ASAP1: variants seen among roughly 807,000 people sequenced by gnomAD.
The protein encoded by ASAP1 is arf-GAP with SH3 domain, ANK repeat and PH domain-containing protein 1.
Under a neutral mutation model 145.2 loss-of-function variants are expected in ASAP1, and 43 were observed. That is an observed-to-expected ratio of 0.30 (90% CI 0.23 to 0.38). ASAP1 has a LOEUF of 0.38. Among genes scored for constraint, ASAP1 ranks in the 10% least tolerant of loss-of-function variants. The probability of loss-of-function intolerance (pLI) is 1.00; values close to 1 mark genes in which losing one functional copy is unlikely to be tolerated. For missense variants in ASAP1, 1,018 were observed against 1,355.3 expected, an observed-to-expected ratio of 0.75 and a Z score of 3.91; for synonymous variants, 546 against 515.5, an observed-to-expected ratio of 1.06 and a Z score of -0.80.
chr8:130,236,904 T>C lies in ASAP1; in HGVS notation c.259+18A>G. ...ATTATTTATAATTCATGTTACCTCA[T>C]TTTTAGTAAGTGCTTACCTTGACCA... is the stretch of plus-strand genomic sequence containing the variant. On this transcript the variant is annotated intron_variant, in intron 4 of 29. Coordinates refer to ENST00000518721, the MANE Select transcript of ASAP1 (RefSeq NM_018482.4). The C allele has an allele frequency of 6.6e-7, 1 of 1,512,328 alleles. No homozygotes were observed. Among genetic ancestry groups the C allele is most frequent in the African/African-American group, 1.4e-5 (1 of 72,056 alleles). 93.7% of individuals were successfully genotyped at this position (1,512,328 alleles called of 1,614,324 possible). A position where few individuals can be genotyped will look rare whatever the true frequency, so the allele number is the denominator to read the frequency against.
chr8:130,063,691 T>G (rs757747851), intron 27 of ASAP1, among the ~76,000 whole-genome samples: 1 of 152,190 alleles, frequency 6.6e-6, no homozygotes, highest in African/African-American at 2.4e-5. Context: ...AGGGAGGCCG[T>G]GGAGCCTCCC....
At chr8:130,095,466 A>C (rs2097515547) in intron 24 of ASAP1, among the ~76,000 whole-genome samples, 1 of 151,372 alleles carries the variant, frequency 6.6e-6, no homozygotes, top group African/African-American at 2.4e-5. Flanking sequence ...ACGTCTGGCT[A>C]ATTTTTGTAT....
At chr8:130,062,330 T>C (rs1171038361) in intron 27 of ASAP1, among the ~76,000 whole-genome samples, 1 of 152,254 alleles carries the variant, frequency 6.6e-6, no homozygotes, top group Non-Finnish European at 1.5e-5. Flanking sequence ...AACCTCATGT[T>C]GTAAATGTCA....
chr8:130,267,680 T>C (rs898419122), intron 3 of ASAP1, among the ~76,000 whole-genome samples: 8 of 152,182 alleles, frequency 5.3e-5, no homozygotes, highest in Non-Finnish European at 1.0e-4. Context: ...ACCCTATGCT[T>C]ATAAAAGCAT....
intron 7 of ASAP1, among the ~76,000 whole-genome samples, chr8:130,183,342 T>A (rs1814498654): frequency 6.6e-6 from 1 of 152,042 alleles, no homozygotes. Flanking sequence ...ATTATTATTA[T>A]TATTGTTATT....
At chr8:130,398,663 C>T (rs1470436946) in intron 2 of ASAP1, among the ~76,000 whole-genome samples, 2 of 152,166 alleles carry the variant, frequency 1.3e-5, no homozygotes, top group East Asian at 3.8e-4. Flanking sequence ...ATAGCACTTA[C>T]CATGTACCAG....
intron 1 of ASAP1, among the ~76,000 whole-genome samples, chr8:130,442,565 C>A (rs569996745): frequency 6.6e-6 from 1 of 152,258 alleles, no homozygotes; most frequent in Non-Finnish European, 1.5e-5. Context: ...CTGATGTCAT[C>A]CCAGAATCAA....
intron 10 of ASAP1, among the ~76,000 whole-genome samples, chr8:130,168,383 G>A (rs899867074): frequency 2.0e-5 from 3 of 152,112 alleles, no homozygotes; most frequent in Admixed American, 1.3e-4. Flanking sequence ...GGTGGCTCAC[G>A]CTTGTAATCC....
chr8:130,279,061 C>A (rs1261277787), intron 3 of ASAP1, among the ~76,000 whole-genome samples: 1 of 152,176 alleles, frequency 6.6e-6, no homozygotes, highest in Non-Finnish European at 1.5e-5. Flanking sequence ...AAAGCCATGT[C>A]TACCACGGGA....
chr8:130,441,710 G>T (rs7463793), intron 1 of ASAP1, among the ~76,000 whole-genome samples: 1 of 152,102 alleles, frequency 6.6e-6, no homozygotes, highest in Non-Finnish European at 1.5e-5. Context: ...AATCTGGCTC[G>T]CTGTGGCTGG....
intron 9 of ASAP1, 53 bp downstream of exon 9, chr8:130,179,211 A>C: frequency 9.2e-7 from 1 of 1,084,742 alleles, no homozygotes; most frequent in East Asian, 2.4e-5. Context: ...CAAATAATGA[A>C]GTACAGGGGG....
intron 27 of ASAP1, among the ~76,000 whole-genome samples, chr8:130,071,249 G>A (rs961675082): frequency 6.6e-6 from 1 of 152,032 alleles, no homozygotes; most frequent in African/African-American, 2.4e-5. Flanking sequence ...TTAGATTATA[G>A]GTATGAGCCA....
At chr8:130,082,714 A>ATTTTTTTTTTTT (rs10678353) in intron 25 of ASAP1, 1 of 80,828 alleles carries the variant, frequency 1.2e-5, no homozygotes, top group African/African-American at 4.6e-5. Context: ...CTCATTACTA[A>ATTTTTTTTTTTT]TTTTTTTTTT....
At chr8:130,122,155 A>T (rs1488839572) in intron 18 of ASAP1, among the ~76,000 whole-genome samples, 1 of 152,062 alleles carries the variant, frequency 6.6e-6, no homozygotes. Flanking sequence ...CATTCCCCAC[A>T]CACTTCAACA....
At chr8:130,201,353 C>T (rs1443061553) in intron 5 of ASAP1, among the ~76,000 whole-genome samples, 1 of 152,012 alleles carries the variant, frequency 6.6e-6, no homozygotes, top group Non-Finnish European at 1.5e-5. Context: ...TAAAGGCACT[C>T]GGGACTGACA....
In ASAP1 at chr8:130,162,597, T is replaced by A. The variant is rs538523811; in HGVS notation, c.910-2633A>T. On this transcript the variant is annotated intron_variant, in intron 11 of 29. Transcript: ENST00000518721. ...ACTTTGGGAGGCTGAGGCGGGTGGATCATGAGGTCAGGAGATCGAGACCAT... is the reference window on the plus strand; with the variant it reads ...ACTTTGGGAGGCTGAGGCGGGTGGAACATGAGGTCAGGAGATCGAGACCAT... Among the ~76,000 whole-genome samples the A allele has an allele frequency of 5.3e-5, 8 of 152,078 alleles. No individual in the cohort carries two copies. The East Asian group carries it at 1.4e-3, about 26-fold the overall frequency.
At chr8:130,284,365 T>C (rs1013485250) in intron 3 of ASAP1, among the ~76,000 whole-genome samples, 6 of 152,118 alleles carry the variant, frequency 3.9e-5, no homozygotes, top group Admixed American at 1.3e-4. Context: ...CAAGTGACTA[T>C]AGTGTAATTT....
At chr8:130,071,114 C>A (rs1428218932) in intron 27 of ASAP1, among the ~76,000 whole-genome samples, 1 of 150,580 alleles carries the variant, frequency 6.6e-6, no homozygotes, top group African/African-American at 2.5e-5. Flanking sequence ...ATGCAGTGAT[C>A]CTAGGACAGG....
intron 29 of ASAP1, among the ~76,000 whole-genome samples, chr8:130,057,094 T>G (rs1404505513): frequency 2.0e-5 from 3 of 152,176 alleles, no homozygotes; most frequent in East Asian, 1.9e-4. Context: ...TAAAATTACG[T>G]GGAGAAGGTG....
Sources: gnomAD v4.1 joint callset for allele counts (sites outside exome capture counted in the v4.1 genomes callset) on GRCh38, gnomAD v4.1.1 for gene constraint, MANE v1.5 for transcripts, NCBI Gene and HGNC (gene_info 2026-07-23, HGNC 2026-07-21) for gene names.